TARM1: variants seen among roughly 807,000 people sequenced by gnomAD.
TARM1 encodes the protein T cell-interacting, activating receptor on myeloid cells 1.
A neutral mutation model predicts 30.4 loss-of-function variants in TARM1; 24 were observed. The observed-to-expected ratio is 0.79, with a 90% CI of 0.57 to 1.11. The LOEUF (loss-of-function observed/expected upper bound fraction) is 1.11. TARM1 is among the 50% of genes least tolerant of loss of function. TARM1 has a pLI of 0.00. For synonymous variants in TARM1, 129 were observed against 138.9 expected (o/e 0.93, Z 0.50); for missense variants, 323 against 332.8 (o/e 0.97, Z 0.23).
At chr19:54,080,136 G>GAAA (rs2072074908) in intron 1 of TARM1, among the ~76,000 whole-genome samples, 1 of 63,714 alleles carries the variant, frequency 1.6e-5, no homozygotes, top group Non-Finnish European at 3.2e-5. Flanking sequence ...AGGAAGGAAG[G>GAAA]AAGAAAGCAA....
At chr19:54,071,286 G>A (rs549878619) in intron 4 of TARM1, among the ~76,000 whole-genome samples, 16 of 152,180 alleles carry the variant, frequency 1.1e-4, no homozygotes, top group African/African-American at 3.9e-4. Context: ...GAGTTGTAAT[G>A]GGAGTTCCTT....
In TARM1 at chr19:54,070,717, A is replaced by G. The variant is rs376908416; in HGVS notation, c.659-557T>C. Among the ~76,000 whole-genome samples, 23 of 151,040 alleles carry G rather than the reference A, an allele frequency of 1.5e-4. No homozygotes were observed. The East Asian group carries it at 4.3e-3, about 28-fold the overall frequency. On this transcript the variant is annotated intron_variant, in intron 4 of 4. Transcript: ENST00000432826. The stretch of plus-strand genomic sequence containing the variant: ...AACCTCTGCCTCCCGGGTTCAAGTG[A>G]TTCTCCTGTCTCAGCCTCCCAAGCA...
At chr19:54,080,965 C>T (rs3859510) in intron 1 of TARM1, among the ~76,000 whole-genome samples, 138,231 of 152,068 alleles carry the variant, frequency 0.91, 62,970 homozygotes, top group Middle Eastern at 0.97. Flanking sequence ...AGAGCAAAAC[C>T]CTGTCTCAAA....
chr19:54,075,078 C>G lies in TARM1; in HGVS notation c.107G>C (p.Ser36Thr). The G allele has an allele frequency of 6.4e-7, 1 of 1,551,412 alleles. No individual in the cohort carries two copies. The highest frequency in any genetic ancestry group is 8.7e-7 in the Non-Finnish European group (1 of 1,146,944). ...LPKPSLSAWPSSVVPANSNVT... is the reference protein window; with the variant it reads ...LPKPSLSAWPTSVVPANSNVT... ...ATTGCTGTTGGCAGGGACCACCGAGCTGGGCCAGGCACTGAGGGACGGCTT... is the reference window on the plus strand; with the variant it reads ...ATTGCTGTTGGCAGGGACCACCGAGGTGGGCCAGGCACTGAGGGACGGCTT... Residue 36 changes from serine to threonine, a missense_variant, in exon 3 of 5, where the codon AGC becomes ACC. Ser to Thr is a moderately conservative substitution (Grantham distance 58). Coordinates refer to ENST00000432826, the MANE Select transcript of TARM1 (RefSeq NM_001135686.3).
At chr19:54,075,333 A>G (rs2071922533) in intron 2 of TARM1, among the ~76,000 whole-genome samples, 2 of 151,730 alleles carry the variant, frequency 1.3e-5, no homozygotes, top group South Asian at 4.2e-4. Context: ...GATTACAGGC[A>G]CGCACCACCA....
intron 3 of TARM1, 102 bp downstream of exon 3, chr19:54,074,722 C>T: frequency 5.5e-6 from 7 of 1,274,414 alleles, no homozygotes; most frequent in Non-Finnish European, 7.5e-6. Flanking sequence ...TCCCACCACC[C>T]CCAACTACTC....
At chr19:54,080,083 AAG>A (rs2072062872) in intron 1 of TARM1, among the ~76,000 whole-genome samples, 7 of 119,696 alleles carry the variant, frequency 5.8e-5, no homozygotes, top group African/African-American at 1.3e-4. Flanking sequence ...ATGAAGGAGA[AAG>A]AGAAAGAAAG....
Position 54,073,704 on chromosome 19 carries a change from G to C in TARM1, c.658+216C>G, listed in dbSNP as rs143280265. 4.9e-3 allele frequency among the ~76,000 whole-genome samples: 745 copies of C among 152,020 alleles called. 7 individuals are homozygous for C. Among genetic ancestry groups the C allele is most frequent in the African/African-American group, 0.017 (711 of 41,494 alleles). ...GACGGGGTTTCACTATGTTGGCCAG[G>C]CTGGTCTCAAATCCTTGACCTCAGA... On this transcript the variant is annotated intron_variant, in intron 4 of 4. Transcript: ENST00000432826.
chr19:54,081,344 G>A lies in TARM1; in HGVS notation c.-4C>T, dbSNP rs2146233649. On this transcript the variant is annotated 5_prime_UTR_variant, in exon 1 of 5. Transcript: ENST00000432826. Reference sequence around the variant, plus strand: ...GGGAAAGCAGCTTAGGGATCATGATGGCTCCTTAGCCCTCCCAGAGTCCGT... The same window carrying A: ...GGGAAAGCAGCTTAGGGATCATGATAGCTCCTTAGCCCTCCCAGAGTCCGT... The A allele has an allele frequency of 6.5e-7, 1 of 1,539,948 alleles. No homozygotes were observed. Among genetic ancestry groups the A allele is most frequent in the Non-Finnish European group, 8.8e-7 (1 of 1,142,568 alleles).
In TARM1 at chr19:54,073,266, C is replaced by A. The variant is rs116267492; in HGVS notation, c.658+654G>T. 2.9e-3 allele frequency among the ~76,000 whole-genome samples: 431 copies of A among 151,192 alleles called. 3 individuals are homozygous for A. The highest frequency in any genetic ancestry group is 0.01 in the African/African-American group (417 of 41,312). On this transcript the variant is annotated intron_variant, in intron 4 of 4. Coordinates refer to ENST00000432826, the MANE Select transcript of TARM1 (RefSeq NM_001135686.3). ...CGCTACTAAAAATAGAAAAATTAGC[C>A]GGATGGGTGGTGCAGGCCTGTAATC...
At chr19:54,078,034 G>A (rs1174948457) in intron 1 of TARM1, among the ~76,000 whole-genome samples, 4 of 151,662 alleles carry the variant, frequency 2.6e-5, no homozygotes, top group Admixed American at 2.0e-4. Flanking sequence ...TTACAGGCAT[G>A]CACCACCATG....
Position 54,077,740 on chromosome 19 carries a change from T to G in TARM1, c.35-1822A>C, listed in dbSNP as rs1453541645. ...ATGGGATTTTTCTTCTTTTTCTTCG[T>G]TTTTTTTTTTTTTTTTTTTGAGACA... is the stretch of plus-strand genomic sequence containing the variant. On this transcript the variant is annotated intron_variant, in intron 1 of 4. Coordinates refer to ENST00000432826, the MANE Select transcript of TARM1 (RefSeq NM_001135686.3). 1.0e-4 allele frequency among the ~76,000 whole-genome samples: 12 copies of G among 118,606 alleles called. No individual in the cohort carries two copies. In the South Asian group the frequency reaches 2.0e-3, roughly 19 times the overall value. The allele number at this position is 118,606 out of a possible 152,430, so 77.8% of individuals were successfully genotyped here.
At chr19:54,072,422 C>A (rs1345279850) in intron 4 of TARM1, among the ~76,000 whole-genome samples, 1 of 152,118 alleles carries the variant, frequency 6.6e-6, no homozygotes, top group African/African-American at 2.4e-5. Context: ...CAGAAGAATT[C>A]TAGCAGTCAA....
intron 1 of TARM1, among the ~76,000 whole-genome samples, chr19:54,079,265 G>GAAAAAAAA: frequency 8.9e-6 from 1 of 112,048 alleles, no homozygotes; most frequent in Non-Finnish European, 1.7e-5. Context: ...CTCCATCTCC[G>GAAAAAAAA]AAAAAAAAAA....
chr19:54,077,562 C>G (rs1460979318), intron 1 of TARM1, among the ~76,000 whole-genome samples: 1 of 151,948 alleles, frequency 6.6e-6, no homozygotes, highest in Non-Finnish European at 1.5e-5. Flanking sequence ...GGAGAAGTTA[C>G]CAGGCGTTTG....
chr19:54,073,817 C>G, intron 4 of TARM1, 103 bp downstream of exon 4: 2 of 1,376,200 alleles, frequency 1.5e-6, no homozygotes, highest in Non-Finnish European at 2.0e-6. Flanking sequence ...TTGTTAAGAG[C>G]GATGATATTG....
chr19:54,078,885 G>A (rs1440382863), intron 1 of TARM1, among the ~76,000 whole-genome samples: 2 of 152,138 alleles, frequency 1.3e-5, no homozygotes, highest in East Asian at 1.9e-4. Flanking sequence ...ATTATGCTGA[G>A]TAAACTAAGT....
chr19:54,080,158 AGCAAGCAAGC>A (rs2072081112), intron 1 of TARM1, among the ~76,000 whole-genome samples: 1 of 116,010 alleles, frequency 8.6e-6, no homozygotes, highest in Non-Finnish European at 1.9e-5. Flanking sequence ...CAAGCAAGCA[AGCAAGCAAGC>A]AAGCAAGCAA....
intron 1 of TARM1, among the ~76,000 whole-genome samples, chr19:54,080,148 C>A (rs1295400400): frequency 0.94 from 65,875 of 69,922 alleles, 31,368 homozygotes; most frequent in Middle Eastern, 0.99. Context: ...AGAAAGCAAG[C>A]AAGCAAGCAA....
Sources: allele counts gnomAD v4.1 joint callset (sites outside exome capture counted in the v4.1 genomes callset), GRCh38; gene constraint gnomAD v4.1.1; transcripts MANE v1.5; gene names NCBI Gene and HGNC (gene_info 2026-07-23, HGNC 2026-07-21).